Variants in AFAP1 observed in about 807,000 individuals in gnomAD.
AFAP1 encodes the protein actin filament-associated protein 1.
In AFAP1, 75 loss-of-function variants were observed where a neutral mutation model predicts 93.9. The ratio of observed to expected loss-of-function variants is 0.80; its 90% CI spans 0.66 to 0.97. The LOEUF is 0.97. AFAP1 is among the 50% of genes least tolerant of loss of function. The pLI is 0.00. For synonymous variants in AFAP1, 517 were observed against 430.7 expected (o/e 1.20, Z -2.48); for missense variants, 1,201 against 1,050.8 (o/e 1.14, Z -1.98).
intron 1 of AFAP1, among the ~76,000 whole-genome samples, chr4:7,874,386 CAG>C (rs1366450472): frequency 2.6e-4 from 27 of 105,192 alleles, no homozygotes; most frequent in Non-Finnish European, 8.8e-5. Flanking sequence ...TTTTTTGAGA[CAG>C]AGTCTTCCTT....
intron 1 of AFAP1, among the ~76,000 whole-genome samples, chr4:7,914,489 G>A (rs928547296): frequency 2.6e-5 from 4 of 152,058 alleles, no homozygotes; most frequent in Admixed American, 1.3e-4. Flanking sequence ...CCTGTGTTAC[G>A]GCTGAATAGT....
At chr4:7,771,706 C>G (rs187219793) in intron 16 of AFAP1, among the ~76,000 whole-genome samples, 3 of 152,314 alleles carry the variant, frequency 2.0e-5, no homozygotes, top group African/African-American at 7.2e-5. Flanking sequence ...CCAGAGCCAC[C>G]TCTTGAACAC....
chr4:7,912,196 AC>A (rs1241650871), intron 1 of AFAP1, among the ~76,000 whole-genome samples: 1 of 152,160 alleles, frequency 6.6e-6, no homozygotes, highest in East Asian at 1.9e-4. Flanking sequence ...TTAACCATTC[AC>A]CTGCTGAGTG....
intron 1 of AFAP1, among the ~76,000 whole-genome samples, chr4:7,899,823 T>G (rs1410883728): frequency 6.6e-6 from 1 of 150,398 alleles, no homozygotes; most frequent in African/African-American, 2.4e-5. Context: ...ACACCAAAGA[T>G]TCATACTGGC....
At chr4:7,768,204 C>T (rs1174547804) in intron 17 of AFAP1, among the ~76,000 whole-genome samples, 2 of 152,280 alleles carry the variant, frequency 1.3e-5, no homozygotes, top group African/African-American at 2.4e-5. Flanking sequence ...CCATCGCACT[C>T]CGTGCACTTC....
chr4:7,893,537 C>A (rs888634301), intron 1 of AFAP1, among the ~76,000 whole-genome samples: 6 of 144,008 alleles, frequency 4.2e-5, no homozygotes, highest in African/African-American at 1.6e-4. Flanking sequence ...GCCGAGATCA[C>A]GCCACTGCAC....
intron 4 of AFAP1, among the ~76,000 whole-genome samples, chr4:7,851,751 C>A (rs115055579): frequency 5.3e-5 from 8 of 152,228 alleles, no homozygotes; most frequent in African/African-American, 1.9e-4. Context: ...CAACAGCAGA[C>A]GGCAACATCA....
chr4:7,765,714 G>C (rs553530717), intron 17 of AFAP1, among the ~76,000 whole-genome samples: 1 of 152,242 alleles, frequency 6.6e-6, no homozygotes, highest in Non-Finnish European at 1.5e-5. Context: ...CCCTGGCATG[G>C]ATGGCTCTGG....
intron 1 of AFAP1, among the ~76,000 whole-genome samples, chr4:7,890,004 TA>T (rs543991662): frequency 0.024 from 2,376 of 100,284 alleles, 18 homozygotes; most frequent in Non-Finnish European, 0.032. Flanking sequence ...CAATTTTTGT[TA>T]AAAAAAAAAA....
At chr4:7,821,535 G>A (rs59513878) in intron 6 of AFAP1, among the ~76,000 whole-genome samples, 12 of 152,186 alleles carry the variant, frequency 7.9e-5, no homozygotes, top group Non-Finnish European at 1.3e-4. Context: ...CTGTGATCAC[G>A]GGGGACGTGC....
intron 12 of AFAP1, among the ~76,000 whole-genome samples, chr4:7,782,480 C>A (rs1340549871): frequency 1.3e-5 from 2 of 152,212 alleles, no homozygotes; most frequent in Non-Finnish European, 2.9e-5. Context: ...GCTTCCAAAT[C>A]TAATGGATAT....
rs185665067 is a variant in AFAP1, at chr4:7,921,605, G to A, written c.-3+18051C>T. Among the ~76,000 whole-genome samples, 6 of 152,260 alleles carry A rather than the reference G, an allele frequency of 3.9e-5. 1 individual carries two copies. Among genetic ancestry groups the A allele is most frequent in the East Asian group, 1.9e-4 (1 of 5,170 alleles). On this transcript the variant is annotated intron_variant, in intron 1 of 17. Coordinates refer to ENST00000420658, the MANE Select transcript of AFAP1 (RefSeq NM_001134647.2). The stretch of plus-strand genomic sequence containing the variant: ...AGTGAGATAATGGTACAATCCTAAC[G>A]GAAGGGAATCCAGCAATACCCATCA...
intron 4 of AFAP1, among the ~76,000 whole-genome samples, chr4:7,854,709 T>A (rs371929970): frequency 9.9e-6 from 1 of 100,718 alleles, no homozygotes; most frequent in African/African-American, 3.7e-5. Flanking sequence ...CACTATCCAC[T>A]TATCTACCTT....
At chr4:7,805,824 G>A (rs1196322311) in intron 9 of AFAP1, among the ~76,000 whole-genome samples, 1 of 152,202 alleles carries the variant, frequency 6.6e-6, no homozygotes, top group Non-Finnish European at 1.5e-5. Context: ...CAGTGTTAGA[G>A]GCCCTGAACT....
chr4:7,936,650 C>T (rs2149249046), intron 1 of AFAP1, among the ~76,000 whole-genome samples: 2 of 148,136 alleles, frequency 1.4e-5, no homozygotes, highest in South Asian at 4.2e-4. Flanking sequence ...GGTACAATAT[C>T]GGCTCACTGC....
rs902229911 is a variant in AFAP1 at position 7,852,872 on chromosome 4, T to C, written c.334+2594A>G. 2.6e-5 allele frequency among the ~76,000 whole-genome samples: 4 copies of C among 152,170 alleles called. No homozygotes were observed. In the East Asian group the frequency reaches 7.7e-4, roughly 29 times the overall value. On this transcript the variant is annotated intron_variant, in intron 4 of 17. Coordinates refer to ENST00000420658, the MANE Select transcript of AFAP1 (RefSeq NM_001134647.2). ...AGGGCTAACAGGAGTCAACCTTGTA[T>C]GAATATCTCGGAATTTAGGTTACAG...
At chr4:7,812,721 C>G (rs1326688704) in intron 8 of AFAP1, among the ~76,000 whole-genome samples, 1 of 152,236 alleles carries the variant, frequency 6.6e-6, no homozygotes, top group African/African-American at 2.4e-5. Flanking sequence ...CGGGCATTCT[C>G]TAAAACCATG....
At chr4:7,764,591 T>A (rs139715186) in intron 17 of AFAP1, among the ~76,000 whole-genome samples, 1 of 152,228 alleles carries the variant, frequency 6.6e-6, no homozygotes, top group African/African-American at 2.4e-5. Flanking sequence ...GAAAAAAATT[T>A]TTTTAAATAT....
chr4:7,830,251 G>A (rs990245629), intron 6 of AFAP1, among the ~76,000 whole-genome samples: 9 of 151,812 alleles, frequency 5.9e-5, no homozygotes, highest in Non-Finnish European at 1.2e-4. Flanking sequence ...CTCCTGCACC[G>A]CTGGGAGAAG....
Sources: allele counts gnomAD v4.1 joint callset (sites outside exome capture counted in the v4.1 genomes callset), GRCh38; gene constraint gnomAD v4.1.1; transcripts MANE v1.5; gene names NCBI Gene and HGNC (gene_info 2026-07-23, HGNC 2026-07-21).